Variants in CIMIP2C observed in about 807,000 individuals in gnomAD.
CIMIP2C encodes ciliary microtubule inner protein 2C, also known as UPF0573 protein C2orf70.
At chr2:26,578,719 C>T in the CIMIP2C span, 8 of 469,926 alleles carry the variant, frequency 1.7e-5, no homozygotes, top group South Asian at 7.8e-5. Flanking sequence ...CCAGGATCTG[C>T]CCCCCATCCC....
At chr2:26,578,660 G>C in the CIMIP2C span, 2 of 445,386 alleles carry the variant, frequency 4.5e-6, no homozygotes, top group Non-Finnish European at 9.3e-6. Context: ...CATCCCTAGA[G>C]TATAGTGGGA....
chr2:26,568,320 T>G, the CIMIP2C span, among the ~76,000 whole-genome samples: 1 of 152,180 alleles, frequency 6.6e-6, no homozygotes, highest in Non-Finnish European at 1.5e-5. Context: ...CAGTATCTTC[T>G]CTTCTGGAGG....
At chr2:26,574,847 C>T in the CIMIP2C span, among the ~76,000 whole-genome samples, 10 of 152,364 alleles carry the variant, frequency 6.6e-5, no homozygotes, top group East Asian at 1.5e-3. Flanking sequence ...TGTCCACCGA[C>T]CTGCAGCAGC....
chr2:26,577,220 G>A, the CIMIP2C span, among the ~76,000 whole-genome samples: 8 of 152,206 alleles, frequency 5.3e-5, no homozygotes, highest in African/African-American at 9.6e-5. Flanking sequence ...GTACGCCTGC[G>A]GGGCTGGGTT....
At chr2:26,576,784 CTG>C in the CIMIP2C span, among the ~76,000 whole-genome samples, 15 of 152,232 alleles carry the variant, frequency 9.9e-5, no homozygotes, top group African/African-American at 2.7e-4. Flanking sequence ...TGTTCTTGTC[CTG>C]CTGTTCAGGC....
chr2:26,575,646 G>A, the CIMIP2C span, among the ~76,000 whole-genome samples: 2 of 152,302 alleles, frequency 1.3e-5, no homozygotes, highest in Non-Finnish European at 2.9e-5. Flanking sequence ...GATGGCCACC[G>A]GGCTCCCCTG....
At chr2:26,578,930 T>C in the CIMIP2C span, 1 of 479,230 alleles carries the variant, frequency 2.1e-6, no homozygotes, top group Non-Finnish European at 4.3e-6. Context: ...CTTAGAACAT[T>C]TGTTGTGTGT....
chr2:26,576,607 C>A, the CIMIP2C span, among the ~76,000 whole-genome samples: 2 of 152,220 alleles, frequency 1.3e-5, no homozygotes, highest in African/African-American at 4.8e-5. Context: ...GCCCCCAGCC[C>A]CAGTTCCAGC....
At chr2:26,574,712 T>A in the CIMIP2C span, among the ~76,000 whole-genome samples, 2 of 151,958 alleles carry the variant, frequency 1.3e-5, no homozygotes, top group Non-Finnish European at 2.9e-5. Flanking sequence ...CATGAAGGTG[T>A]GGTCAGAGAT....
the CIMIP2C span, among the ~76,000 whole-genome samples, chr2:26,563,734 G>A: frequency 6.6e-6 from 1 of 152,232 alleles, no homozygotes; most frequent in Admixed American, 6.5e-5. Flanking sequence ...GAAGAAAAGT[G>A]TATTTGGTAT....
At chr2:26,569,614 C>A in the CIMIP2C span, among the ~76,000 whole-genome samples, 1 of 152,150 alleles carries the variant, frequency 6.6e-6, no homozygotes, top group African/African-American at 2.4e-5. Context: ...GCTGTGGGGC[C>A]AAGCAGTGCT....
the CIMIP2C span, among the ~76,000 whole-genome samples, chr2:26,573,623 C>T: frequency 6.6e-6 from 1 of 152,256 alleles, no homozygotes; most frequent in Admixed American, 6.5e-5. Flanking sequence ...CCACCAATTC[C>T]TCCGTCTTCC....
At chr2:26,573,701 TGGA>T in the CIMIP2C span, among the ~76,000 whole-genome samples, 285 of 152,228 alleles carry the variant, frequency 1.9e-3, no homozygotes, top group African/African-American at 6.6e-3. Context: ...ACTGAGGTGG[TGGA>T]GAAGAGTCAG....
chr2:26,575,160 T>A, the CIMIP2C span, among the ~76,000 whole-genome samples: 1 of 152,162 alleles, frequency 6.6e-6, no homozygotes, highest in Non-Finnish European at 1.5e-5. Flanking sequence ...TCACAGAGGG[T>A]GGAAGACTCC....
the CIMIP2C span, chr2:26,562,742 G>A: frequency 4.8e-6 from 7 of 1,472,370 alleles, no homozygotes; most frequent in East Asian, 1.7e-4. Flanking sequence ...CCTCCTCGGT[G>A]ATCGAAATTC....
the CIMIP2C span, among the ~76,000 whole-genome samples, chr2:26,569,403 T>C: frequency 6.6e-6 from 1 of 152,148 alleles, no homozygotes; most frequent in Non-Finnish European, 1.5e-5. Context: ...GCCCCGCTTG[T>C]GCTTGGTGTC....
At chr2:26,571,574 G>C in the CIMIP2C span, among the ~76,000 whole-genome samples, 4 of 152,308 alleles carry the variant, frequency 2.6e-5, no homozygotes, top group African/African-American at 9.6e-5. Context: ...CACACAGCAG[G>C]TTCCTGATAA....
At chr2:26,572,643 C>T in the CIMIP2C span, among the ~76,000 whole-genome samples, 1 of 152,220 alleles carries the variant, frequency 6.6e-6, no homozygotes, top group Admixed American at 6.5e-5. Context: ...TTCTGAACCA[C>T]TTGAGAAAGA....
the CIMIP2C span, among the ~76,000 whole-genome samples, chr2:26,563,882 ACCTCTCTCTGGG>A: frequency 1.4e-4 from 22 of 151,878 alleles, no homozygotes; most frequent in Admixed American, 7.9e-4. Context: ...TGTGGATGCG[ACCTCTCTCTGGG>A]CCTTGGAGGG....
Sources: allele counts gnomAD v4.1 joint callset (sites outside exome capture counted in the v4.1 genomes callset), GRCh38; gene constraint gnomAD v4.1.1; transcripts MANE v1.5; gene names NCBI Gene and HGNC (gene_info 2026-07-23, HGNC 2026-07-21).